PRKG1: variants seen among roughly 807,000 people sequenced by gnomAD.
PRKG1 encodes cGMP-dependent protein kinase 1.
PRKG1 carries 35 observed loss-of-function variants against 88.1 expected under a neutral mutation model. The ratio of observed to expected loss-of-function variants is 0.40; its 90% CI spans 0.30 to 0.53. The LOEUF is 0.53. PRKG1 is among the 20% of genes least tolerant of loss of function. The probability of loss-of-function intolerance (pLI) is 0.59; values close to 1 mark genes in which losing one functional copy is unlikely to be tolerated. For missense variants in PRKG1, 540 were observed against 839.8 expected (o/e 0.64, Z 4.41); for synonymous variants, 303 against 292.5 (o/e 1.04, Z -0.37).
intron 5 of PRKG1, among the ~76,000 whole-genome samples, chr10:51,980,794 G>C (rs974752101): frequency 6.6e-6 from 1 of 152,064 alleles, no homozygotes; most frequent in African/African-American, 2.4e-5. Context: ...TCTAAAATTA[G>C]TATTGCAACT....
In PRKG1 at chr10:52,071,174, C is replaced by T. The variant is rs555262889; in HGVS notation, c.935+8543C>T. Among the ~76,000 whole-genome samples the T allele has an allele frequency of 3.9e-4, 59 of 151,986 alleles. 2 individuals are homozygous for T. The South Asian group carries it at 0.011, about 27-fold the overall frequency. On this transcript the variant is annotated intron_variant, in intron 7 of 17. Transcript: ENST00000373980. ...ATTTTTAATTTTGATTCAGAAGGTA[C>T]ATGTGCAGGTTTGTTACATGGGTGT...
chr10:52,176,077 T>A lies in PRKG1; in HGVS notation c.1076+14114T>A, dbSNP rs138757216. ...TTCAAAAAATCTTTTCCTAGGCTGATGTCTTGAAGCATTTCCTCAATATTT... is the reference window on the plus strand; with the variant it reads ...TTCAAAAAATCTTTTCCTAGGCTGAAGTCTTGAAGCATTTCCTCAATATTT... On this transcript the variant is annotated intron_variant, in intron 9 of 17. Transcript: ENST00000373980. Among the ~76,000 whole-genome samples the A allele has an allele frequency of 2.0e-5, 3 of 152,176 alleles. No individual in the cohort carries two copies. The East Asian group carries it at 5.8e-4, about 29-fold the overall frequency.
rs542356024 is a variant in PRKG1 at position 51,774,441 on chromosome 10, C to T, written c.593-30144C>T. ...CAATTAAATTCTTAGCCTATCCTTA[C>T]GGTTCTTTCCTTATTTAAATTCAAA... is the stretch of plus-strand genomic sequence containing the variant. On this transcript the variant is annotated intron_variant, in intron 3 of 17. Coordinates refer to ENST00000373980, the MANE Select transcript of PRKG1 (RefSeq NM_006258.4). Among the ~76,000 whole-genome samples the T allele has an allele frequency of 2.8e-4, 42 of 152,140 alleles. No homozygotes were observed. In the South Asian group the frequency reaches 7.0e-3, roughly 26 times the overall value.
intron 7 of PRKG1, among the ~76,000 whole-genome samples, chr10:52,088,995 A>G (rs1443521854): frequency 1.3e-5 from 2 of 152,208 alleles, no homozygotes; most frequent in East Asian, 1.9e-4. Flanking sequence ...GTATTTCTGT[A>G]TTTAAAAAAT....
Position 51,603,511 on chromosome 10 carries a change from A to C in PRKG1, c.592+135675A>C, listed in dbSNP as rs185477194. Among the ~76,000 whole-genome samples, 3 of 152,258 alleles carry C rather than the reference A, an allele frequency of 2.0e-5. No homozygotes were observed. The East Asian group carries it at 5.8e-4, about 29-fold the overall frequency. Reference sequence around the variant, plus strand: ...CAATTCCAAAGCCATAAATCACTTTACCTCTATCCATTTGCTAATAAGATA... The same window carrying C: ...CAATTCCAAAGCCATAAATCACTTTCCCTCTATCCATTTGCTAATAAGATA... On this transcript the variant is annotated intron_variant, in intron 3 of 17. Coordinates refer to ENST00000373980, the MANE Select transcript of PRKG1 (RefSeq NM_006258.4).
intron 5 of PRKG1, among the ~76,000 whole-genome samples, chr10:51,953,137 G>A (rs138523734): frequency 2.7e-3 from 405 of 152,244 alleles, no homozygotes; most frequent in Non-Finnish European, 4.7e-3. Context: ...AATCCTGTTG[G>A]TAAGATCAGA....
chr10:52,068,670 ACAT>A (rs1477738622), intron 7 of PRKG1, among the ~76,000 whole-genome samples: 1 of 147,332 alleles, frequency 6.8e-6, no homozygotes, highest in South Asian at 2.3e-4. Flanking sequence ...ATCTTTATCT[ACAT>A]CATCATCTTC....
intron 3 of PRKG1, among the ~76,000 whole-genome samples, chr10:51,473,696 A>G (rs1840114371): frequency 1.3e-5 from 2 of 151,850 alleles, no homozygotes; most frequent in African/African-American, 4.8e-5. Context: ...ATAGAGTGTT[A>G]TGTTTTAAAG....
At chr10:52,074,363 T>C (rs1339060590) in intron 7 of PRKG1, among the ~76,000 whole-genome samples, 1 of 152,166 alleles carries the variant, frequency 6.6e-6, no homozygotes, top group Non-Finnish European at 1.5e-5. Context: ...GTCTTAGTAC[T>C]TTTCCATAAA....
At chr10:51,996,314 C>CA (rs59174399) in intron 5 of PRKG1, among the ~76,000 whole-genome samples, 1,727 of 29,982 alleles carry the variant, frequency 0.058, 418 homozygotes, top group East Asian at 0.33. Flanking sequence ...GACTCCATCT[C>CA]AAAAAAAAAA....
chr10:51,747,679 T>C (rs962413772), intron 3 of PRKG1, among the ~76,000 whole-genome samples: 8 of 152,224 alleles, frequency 5.3e-5, no homozygotes, highest in Non-Finnish European at 1.2e-4. Context: ...GCTGATTTAT[T>C]TATTTTTATT....
chr10:51,076,024 A>G (rs1263346407), intron 1 of PRKG1, among the ~76,000 whole-genome samples: 5 of 152,278 alleles, frequency 3.3e-5, no homozygotes, highest in Non-Finnish European at 7.3e-5. Context: ...TGCAAGGTCC[A>G]TCGAAACCCT....
At chr10:51,209,498 A>G (rs1838156557) in intron 2 of PRKG1, among the ~76,000 whole-genome samples, 1 of 152,182 alleles carries the variant, frequency 6.6e-6, no homozygotes, top group Non-Finnish European at 1.5e-5. Context: ...GATTGTATAC[A>G]CAAAGACAGT....
chr10:51,640,615 A>G (rs149663392), intron 3 of PRKG1, among the ~76,000 whole-genome samples: 224 of 152,314 alleles, frequency 1.5e-3, no homozygotes, highest in African/African-American at 5.3e-3. Flanking sequence ...AGATGCTTCC[A>G]GAAAAAAAAT....
At chr10:51,667,574 C>T (rs72797343) in intron 3 of PRKG1, among the ~76,000 whole-genome samples, 14,072 of 121,084 alleles carry the variant, frequency 0.12, 860 homozygotes, top group Admixed American at 0.18. Context: ...ATTTTTAAAG[C>T]TCACATTTTT....
At chr10:52,031,297 C>G (rs1166644609) in intron 5 of PRKG1, among the ~76,000 whole-genome samples, 1 of 152,134 alleles carries the variant, frequency 6.6e-6, no homozygotes, top group Non-Finnish European at 1.5e-5. Flanking sequence ...CTCAAGCTTT[C>G]AGGGAATAAT....
At chr10:51,077,251 G>T (rs1406266250) in intron 1 of PRKG1, among the ~76,000 whole-genome samples, 1 of 152,184 alleles carries the variant, frequency 6.6e-6, no homozygotes, top group Non-Finnish European at 1.5e-5. Flanking sequence ...GGACTTACTG[G>T]CAACAAGTGT....
intron 3 of PRKG1, among the ~76,000 whole-genome samples, chr10:51,739,076 G>C (rs1023467095): frequency 6.6e-6 from 1 of 152,130 alleles, no homozygotes; most frequent in Non-Finnish European, 1.5e-5. Context: ...TTTTAACAAG[G>C]AACCTTGCAT....
intron 7 of PRKG1, among the ~76,000 whole-genome samples, chr10:52,092,779 G>A (rs1847085760): frequency 1.3e-5 from 2 of 152,174 alleles, no homozygotes; most frequent in African/African-American, 4.8e-5. Context: ...TCTATTTTGT[G>A]TGTGTGTTTT....
Sources: allele counts gnomAD v4.1 joint callset (sites outside exome capture counted in the v4.1 genomes callset), GRCh38; gene constraint gnomAD v4.1.1; transcripts MANE v1.5; gene names NCBI Gene and HGNC (gene_info 2026-07-23, HGNC 2026-07-21).